Variants in ZNF385D observed in about 807,000 individuals in gnomAD.
The protein encoded by ZNF385D is zinc finger protein 659.
In ZNF385D, 15 loss-of-function variants were observed where a neutral mutation model predicts 35.8. The ratio of observed to expected loss-of-function variants is 0.42; its 90% CI spans 0.28 to 0.64. The LOEUF is 0.64. ZNF385D is among the 30% of genes least tolerant of loss of function. The probability of loss-of-function intolerance (pLI) is 0.23; values close to 1 mark genes in which losing one functional copy is unlikely to be tolerated. For synonymous variants in ZNF385D, 212 were observed against 186.8 expected (o/e 1.13, Z -1.10); for missense variants, 474 against 494.6 (o/e 0.96, Z 0.39).
rs11380195 is a variant in ZNF385D at position 22,019,034 on chromosome 3, C to CTTTTTTTTTTTTTTTTTTTT, written c.325+149763_325+149782dup. ...CAGTTTCATGGATAGAGTTATTTAC[C>CTTTTTTTTTTTTTTTTTTTT]TTTTTTTTTTTTTTTTTTTTTTTTT... On this transcript the variant is annotated intron_variant, in intron 3 of 5. Coordinates refer to the ZNF385D transcript ENST00000494108. Among the ~76,000 whole-genome samples, 113 of 64,452 alleles carry CTTTTTTTTTTTTTTTTTTTT rather than the reference C, an allele frequency of 1.8e-3. 12 individuals carry two copies. The highest frequency in any genetic ancestry group is 2.5e-3 in the Non-Finnish European group (90 of 35,766). The allele number at this position is 64,452 out of a possible 152,430, so 42.3% of individuals were successfully genotyped here.
intron 3 of ZNF385D, among the ~76,000 whole-genome samples, chr3:21,972,057 G>GA (rs1469213869): frequency 6.6e-6 from 1 of 151,854 alleles, no homozygotes; most frequent in Non-Finnish European, 1.5e-5. Context: ...CATTTAGACA[G>GA]AAAATCAACA....
chr3:21,439,033 A>G (rs1322579419), intron 4 of ZNF385D, among the ~76,000 whole-genome samples: 1 of 152,120 alleles, frequency 6.6e-6, no homozygotes, highest in African/African-American at 2.4e-5. Flanking sequence ...TGATTGTTTG[A>G]AAGCATGTGT....
At chr3:21,423,238 G>A (rs1170580234) in intron 7 of ZNF385D, among the ~76,000 whole-genome samples, 2 of 152,122 alleles carry the variant, frequency 1.3e-5, no homozygotes, top group Admixed American at 6.6e-5. Context: ...ATAGATAATT[G>A]CAGTTTTCCT....
intron 5 of ZNF385D, among the ~76,000 whole-genome samples, chr3:21,429,045 C>T (rs945234988): frequency 2.0e-5 from 3 of 149,610 alleles, no homozygotes; most frequent in East Asian, 3.9e-4. Context: ...ACTTCCCTTT[C>T]GTTTCCCATC....
chr3:21,912,608 T>C (rs1700016017), intron 3 of ZNF385D, among the ~76,000 whole-genome samples: 1 of 152,064 alleles, frequency 6.6e-6, no homozygotes, highest in African/African-American at 2.4e-5. Context: ...AGATACAGAT[T>C]GTGCATCAGT....
intron 3 of ZNF385D, among the ~76,000 whole-genome samples, chr3:21,870,125 A>C (rs140004933): frequency 1.3e-5 from 2 of 152,276 alleles, no homozygotes; most frequent in African/African-American, 4.8e-5. Context: ...CTGCAGATTT[A>C]AGGAAAAAAT....
At chr3:22,182,124 G>A (rs1336407677) in intron 2 of ZNF385D, among the ~76,000 whole-genome samples, 2 of 152,098 alleles carry the variant, frequency 1.3e-5, no homozygotes, top group Non-Finnish European at 2.9e-5. Context: ...CAGAAATTGT[G>A]AGCTAATAAA....
At chr3:21,690,333 C>G (rs2067241542) in intron 1 of ZNF385D, among the ~76,000 whole-genome samples, 1 of 152,094 alleles carries the variant, frequency 6.6e-6, no homozygotes, top group Non-Finnish European at 1.5e-5. Context: ...TGCAAGCTAT[C>G]TGGAATGCAT....
At chr3:21,565,329 G>A (rs2125652140) in intron 2 of ZNF385D, among the ~76,000 whole-genome samples, 1 of 152,092 alleles carries the variant, frequency 6.6e-6, no homozygotes, top group African/African-American at 2.4e-5. Flanking sequence ...TTATTTCCAG[G>A]ACAGGACAAA....
At chr3:22,367,131 T>C (rs950452071) in intron 2 of ZNF385D, among the ~76,000 whole-genome samples, 2 of 152,182 alleles carry the variant, frequency 1.3e-5, no homozygotes, top group Non-Finnish European at 2.9e-5. Context: ...ATGATGATAA[T>C]AAAAATGGCT....
intron 3 of ZNF385D, among the ~76,000 whole-genome samples, chr3:22,156,658 T>G (rs1705605345): frequency 6.6e-6 from 1 of 152,114 alleles, no homozygotes; most frequent in Non-Finnish European, 1.5e-5. Flanking sequence ...GACTTTTCCT[T>G]GCCGACTGAG....
At chr3:22,115,847 G>A (rs540735475) in intron 3 of ZNF385D, among the ~76,000 whole-genome samples, 3 of 152,018 alleles carry the variant, frequency 2.0e-5, no homozygotes, top group Non-Finnish European at 4.4e-5. Flanking sequence ...AAGAAAACAG[G>A]TTTTTGTTTC....
At chr3:21,701,632 C>A (rs775296592) in intron 1 of ZNF385D, among the ~76,000 whole-genome samples, 19 of 152,102 alleles carry the variant, frequency 1.2e-4, no homozygotes, top group Non-Finnish European at 2.4e-4. Context: ...CAGCCAAAGT[C>A]TCATCTGAGA....
intron 3 of ZNF385D, among the ~76,000 whole-genome samples, chr3:21,964,868 A>G (rs1349152559): frequency 6.6e-6 from 1 of 152,216 alleles, no homozygotes; most frequent in Non-Finnish European, 1.5e-5. Flanking sequence ...TATTATAAAT[A>G]TATTTGTAGA....
intron 2 of ZNF385D, among the ~76,000 whole-genome samples, chr3:22,264,477 C>T (rs1700795373): frequency 1.3e-5 from 2 of 151,948 alleles, no homozygotes; most frequent in South Asian, 4.1e-4. Context: ...AGCCTAGAGG[C>T]TAATAGCAGA....
intron 3 of ZNF385D, among the ~76,000 whole-genome samples, chr3:21,890,948 T>C (rs1432531061): frequency 6.6e-6 from 1 of 152,036 alleles, no homozygotes; most frequent in Non-Finnish European, 1.5e-5. Context: ...AATTTCAAGG[T>C]GGGAGAAGAG....
At chr3:21,435,764 A>G (rs930788705) in intron 5 of ZNF385D, among the ~76,000 whole-genome samples, 1 of 152,208 alleles carries the variant, frequency 6.6e-6, no homozygotes, top group African/African-American at 2.4e-5. Context: ...GAATAAACAC[A>G]TGGAAAATCT....
At chr3:22,270,614 G>A (rs1701123296) in intron 2 of ZNF385D, among the ~76,000 whole-genome samples, 1 of 151,792 alleles carries the variant, frequency 6.6e-6, no homozygotes, top group Non-Finnish European at 1.5e-5. Flanking sequence ...CTGTTGCTAT[G>A]TTGTAAGAAA....
chr3:21,850,313 A>G (rs1471383514), intron 3 of ZNF385D, among the ~76,000 whole-genome samples: 1 of 152,072 alleles, frequency 6.6e-6, no homozygotes, highest in Admixed American at 6.6e-5. Context: ...TGGGATTATG[A>G]TCCCTGAGAC....
Sources: allele counts gnomAD v4.1 joint callset (sites outside exome capture counted in the v4.1 genomes callset), GRCh38; gene constraint gnomAD v4.1.1; transcripts MANE v1.5; gene names NCBI Gene and HGNC (gene_info 2026-07-23, HGNC 2026-07-21).